Variants in APLP2 observed in about 807,000 individuals in gnomAD.
The protein encoded by APLP2 is CDEI box-binding protein.
APLP2 carries 53 observed loss-of-function variants against 89.9 expected under a neutral mutation model. The ratio of observed to expected loss-of-function variants is 0.59; its 90% confidence interval spans 0.47 to 0.74. The LOEUF is 0.74. APLP2 is among the 30% of genes least tolerant of loss of function. APLP2 has a pLI of 0.00. For missense variants in APLP2, 973 were observed against 975.9 expected (o/e 1.00, Z 0.04); for synonymous variants, 372 against 348.6 (o/e 1.07, Z -0.75).
At chr11:130,134,095 T>C (rs1395530575) in intron 12 of APLP2, among the ~76,000 whole-genome samples, 2 of 152,248 alleles carry the variant, frequency 1.3e-5, no homozygotes, top group East Asian at 3.8e-4. Flanking sequence ...CCTCTCCCGG[T>C]CTTTATCTTC....
intron 13 of APLP2, among the ~76,000 whole-genome samples, chr11:130,137,699 T>C (rs1565603356): frequency 2.6e-5 from 4 of 152,210 alleles, no homozygotes; most frequent in Admixed American, 2.0e-4. Context: ...TTCCCTCTTT[T>C]TCTCTGCAAT....
At position 130,123,567 on chromosome 11, in the gene APLP2, C is replaced by A. The variant is rs539623328; in HGVS notation, c.923-45C>A. On this transcript the variant is annotated intron_variant, in intron 6 of 16. Coordinates refer to ENST00000338167, the MANE Select transcript of APLP2 (RefSeq NM_001142276.2). This position sits in a 1 kb window ranked among gnomAD's most constrained non-coding sequence, Gnocchi z 4.0. ...GCCTGTAGCATTTTGAAGCATTTGA[C>A]GTCACTGCCTCTGTCCTGCTGACAC... is the stretch of plus-strand genomic sequence containing the variant. 2 of 1,574,380 alleles carry A rather than the reference C, an allele frequency of 1.3e-6. No individual in the cohort carries two copies. Among genetic ancestry groups the A allele is most frequent in the Non-Finnish European group, 1.7e-6 (2 of 1,158,016 alleles).
At position 130,142,113 on chromosome 11, in the gene APLP2, G is replaced by T. The variant is rs999926076; in HGVS notation, c.2154+39G>T. The T allele has an allele frequency of 3.2e-6, 5 of 1,566,426 alleles. No homozygotes were observed. In the East Asian group the frequency reaches 1.2e-4, roughly 36 times the overall value. On this transcript the variant is annotated intron_variant, in intron 16 of 16. Coordinates refer to ENST00000338167, the MANE Select transcript of APLP2 (RefSeq NM_001142276.2). ...CTGCTGAGGGCCTGCTCTGCACTGT[G>T]GGCTGGGTTGGGGGTGGGAACCTGT...
chr11:130,101,867 T>G, intron 1 of APLP2: 1 of 445,832 alleles, frequency 2.2e-6, no homozygotes, highest in Non-Finnish European at 4.5e-6. Flanking sequence ...AATGTCCTTT[T>G]CCTGTTCCGG....
intron 16 of APLP2, among the ~76,000 whole-genome samples, chr11:130,142,884 A>T (rs1952593887): frequency 6.6e-6 from 1 of 152,202 alleles, no homozygotes. Context: ...AAGTGCTGGG[A>T]TTACAAGCAT....
In APLP2 at chr11:130,125,896, C is replaced by T. The variant is rs143045243; in HGVS notation, c.1091-804C>T. Among the ~76,000 whole-genome samples, 528 of 152,302 alleles carry T rather than the reference C, an allele frequency of 3.5e-3. 2 individuals carry two copies. Among genetic ancestry groups the T allele is most frequent in the African/African-American group, 0.012 (504 of 41,584 alleles). ...TTTCCCTTATCAGGCTAAATTCCAT[C>T]GTGCAGAGACTTGCTTGGGCCCCAT... On this transcript the variant is annotated intron_variant, in intron 7 of 16. Coordinates refer to ENST00000338167, the MANE Select transcript of APLP2 (RefSeq NM_001142276.2).
At chr11:130,119,153 C>A (rs747888235) in intron 3 of APLP2, among the ~76,000 whole-genome samples, 22 of 152,140 alleles carry the variant, frequency 1.4e-4, no homozygotes, top group Non-Finnish European at 2.8e-4. Context: ...TTTCTTAGAC[C>A]ACATTACTTT....
intron 13 of APLP2, among the ~76,000 whole-genome samples, 167 bp downstream of exon 13, chr11:130,135,882 C>A (rs1237458042): frequency 6.6e-6 from 1 of 152,150 alleles, no homozygotes; most frequent in Non-Finnish European, 1.5e-5. Flanking sequence ...AAGGACCCTG[C>A]TAGATGCTTT....
intron 7 of APLP2, among the ~76,000 whole-genome samples, chr11:130,124,832 T>C (rs1950195629): frequency 6.6e-6 from 1 of 152,204 alleles, no homozygotes; most frequent in Non-Finnish European, 1.5e-5. Context: ...TAGGGAACCT[T>C]GGTGAATAAA....
chr11:130,094,163 C>T (rs527527476), intron 1 of APLP2, among the ~76,000 whole-genome samples: 68 of 151,076 alleles, frequency 4.5e-4, no homozygotes, highest in African/African-American at 1.6e-3. Context: ...AAGCGATTCT[C>T]CTTCCTCAGC....
chr11:130,142,612 G>A (rs1459776985), intron 16 of APLP2, among the ~76,000 whole-genome samples: 2 of 151,970 alleles, frequency 1.3e-5, no homozygotes, highest in African/African-American at 4.8e-5. Context: ...TTTTTTGTTT[G>A]TTTTGGTTTT....
At chr11:130,085,895 G>C (rs1944034837) in intron 1 of APLP2, among the ~76,000 whole-genome samples, 1 of 150,110 alleles carries the variant, frequency 6.7e-6, no homozygotes, top group Admixed American at 6.6e-5. Flanking sequence ...TTTCGAGACT[G>C]AGTAATATTC....
intron 11 of APLP2, among the ~76,000 whole-genome samples, chr11:130,130,610 T>C (rs749951872): frequency 2.2e-4 from 33 of 152,204 alleles, no homozygotes; most frequent in Non-Finnish European, 2.9e-4. Context: ...CTACTTCTAA[T>C]ATTGGTGTTG....
intron 1 of APLP2, among the ~76,000 whole-genome samples, chr11:130,081,649 A>C (rs975192721): frequency 6.6e-6 from 1 of 152,226 alleles, no homozygotes; most frequent in Admixed American, 6.5e-5. Flanking sequence ...CACTGGAAGT[A>C]ATTGGGATCT....
chr11:130,139,990 G>T (rs897759333), intron 13 of APLP2, among the ~76,000 whole-genome samples: 1 of 152,208 alleles, frequency 6.6e-6, no homozygotes, highest in African/African-American at 2.4e-5. Context: ...AAACGTGCAG[G>T]TTATTGTGAG....
chr11:130,116,819 C>G (rs951130837), intron 3 of APLP2, among the ~76,000 whole-genome samples: 1 of 151,952 alleles, frequency 6.6e-6, no homozygotes, highest in African/African-American at 2.4e-5. Flanking sequence ...TCAAAGAGTA[C>G]TGTTAAAAGA....
chr11:130,097,341 T>A (rs546608247), intron 1 of APLP2, among the ~76,000 whole-genome samples: 1 of 152,246 alleles, frequency 6.6e-6, no homozygotes, highest in African/African-American at 2.4e-5. Flanking sequence ...TTTCTTGTTA[T>A]AAGCAAAGAT....
At chr11:130,103,684 A>T (rs1252959821) in intron 1 of APLP2, among the ~76,000 whole-genome samples, 2 of 152,082 alleles carry the variant, frequency 1.3e-5, no homozygotes, top group African/African-American at 4.8e-5. Context: ...TTTACGATGA[A>T]ATTGACCATT....
chr11:130,126,663 G>C, intron 7 of APLP2, 37 bp from the exon 8 acceptor site: 1 of 1,611,362 alleles, frequency 6.2e-7, no homozygotes, highest in Non-Finnish European at 8.5e-7. Flanking sequence ...CAGTGCATCT[G>C]ATCCCAAAGA....
Sources: gnomAD v4.1 joint callset for allele counts (sites outside exome capture counted in the v4.1 genomes callset) on GRCh38, gnomAD v4.1.1 for gene constraint, Gnocchi (gnomAD v3.1) non-coding constraint, MANE v1.5 for transcripts, NCBI Gene and HGNC (gene_info 2026-07-23, HGNC 2026-07-21) for gene names.